The following MECOM variants were observed in gnomAD, a reference collection of about 807,000 sequenced individuals.
The protein encoded by MECOM is MDS1 and EVI1 complex locus, also known as histone-lysine N-methyltransferase MECOM.
Under a neutral mutation model 116.3 loss-of-function variants are expected in MECOM, and 13 were observed. The observed-to-expected ratio is 0.11, with a 90% CI of 0.07 to 0.18. MECOM has a LOEUF of 0.18. MECOM is among the 10% of genes least tolerant of loss of function. The probability of loss-of-function intolerance (pLI) is 1.00; values close to 1 mark genes in which losing one functional copy is unlikely to be tolerated. For missense variants in MECOM, 1,299 were observed against 1,509.0 expected, an observed-to-expected ratio of 0.86 and a Z score of 2.31; for synonymous variants, 528 against 535.2, an observed-to-expected ratio of 0.99 and a Z score of 0.19.
chr3:169,230,718 C>G (rs2149520424), intron 2 of MECOM, among the ~76,000 whole-genome samples: 1 of 152,186 alleles, frequency 6.6e-6, no homozygotes, highest in East Asian at 1.9e-4. Flanking sequence ...CTTTCATGGC[C>G]CATGGTCTGA....
chr3:169,330,604 C>T (rs1039239476), intron 2 of MECOM, among the ~76,000 whole-genome samples: 2 of 151,944 alleles, frequency 1.3e-5, no homozygotes, highest in East Asian at 1.9e-4. Flanking sequence ...TTCCAACATC[C>T]GATTCTGTGG....
intron 1 of MECOM, among the ~76,000 whole-genome samples, chr3:169,434,042 T>A: frequency 6.6e-6 from 1 of 152,224 alleles, no homozygotes; most frequent in Non-Finnish European, 1.5e-5. Flanking sequence ...CAAAACGTAA[T>A]TGATAATTAA....
chr3:169,400,646 G>A (rs771091527), intron 1 of MECOM, among the ~76,000 whole-genome samples: 3 of 152,172 alleles, frequency 2.0e-5, no homozygotes, highest in Non-Finnish European at 4.4e-5. Flanking sequence ...TTCTCAGACA[G>A]GTGGGTCTGG....
chr3:169,331,583 T>C (rs1475932599), intron 2 of MECOM, among the ~76,000 whole-genome samples: 1 of 152,176 alleles, frequency 6.6e-6, no homozygotes, highest in Non-Finnish European at 1.5e-5. Flanking sequence ...TATAGTTTCA[T>C]AAGTGTCATA....
intron 2 of MECOM, among the ~76,000 whole-genome samples, chr3:169,226,621 G>A (rs1334518919): frequency 6.6e-6 from 1 of 152,016 alleles, no homozygotes; most frequent in Non-Finnish European, 1.5e-5. Flanking sequence ...ACCATAACAC[G>A]GAATTAAAAC....
intron 2 of MECOM, among the ~76,000 whole-genome samples, chr3:169,197,032 A>G (rs1217315974): frequency 6.6e-6 from 1 of 152,092 alleles, no homozygotes; most frequent in Non-Finnish European, 1.5e-5. Flanking sequence ...ATAGAGCTAG[A>G]GGGCATTATC....
At chr3:169,624,599 C>T (rs770316352) in intron 1 of MECOM, among the ~76,000 whole-genome samples, 5 of 152,170 alleles carry the variant, frequency 3.3e-5, no homozygotes, top group Non-Finnish European at 1.5e-5. Context: ...AACAGCTGTT[C>T]GGGCTGCTCT....
chr3:169,343,220 G>C (rs1724839542), intron 2 of MECOM, among the ~76,000 whole-genome samples: 1 of 152,130 alleles, frequency 6.6e-6, no homozygotes, highest in African/African-American at 2.4e-5. Flanking sequence ...AGTTGATTTT[G>C]TGAGTCCTTT....
intron 1 of MECOM, among the ~76,000 whole-genome samples, chr3:169,608,375 A>T (rs529248352): frequency 6.3e-4 from 96 of 152,310 alleles, no homozygotes; most frequent in Non-Finnish European, 1.2e-3. Context: ...CAATTCGGGC[A>T]GCTGATCAGA....
intron 1 of MECOM, among the ~76,000 whole-genome samples, chr3:169,495,770 C>T (rs191382015): frequency 6.6e-5 from 10 of 152,310 alleles, no homozygotes; most frequent in East Asian, 1.9e-4. Context: ...CCATTAGTCA[C>T]ATTGTACTTA....
intron 2 of MECOM, among the ~76,000 whole-genome samples, chr3:169,303,804 A>G (rs1234861881): frequency 3.3e-5 from 5 of 152,038 alleles, no homozygotes; most frequent in African/African-American, 1.2e-4. Flanking sequence ...GACTTTGTTT[A>G]TTGGTTTGGT....
intron 2 of MECOM, among the ~76,000 whole-genome samples, chr3:169,363,708 T>G (rs938244541): frequency 1.6e-4 from 24 of 151,878 alleles, no homozygotes; most frequent in African/African-American, 5.8e-4. Flanking sequence ...CGAAAAACTG[T>G]ATAAAGACCA....
intron 1 of MECOM, among the ~76,000 whole-genome samples, chr3:169,594,088 T>G (rs1424732724): frequency 7.3e-6 from 1 of 137,836 alleles, no homozygotes; most frequent in Non-Finnish European, 1.5e-5. Flanking sequence ...ACCACTGCAC[T>G]CCAGCTGCAC....
intron 1 of MECOM, among the ~76,000 whole-genome samples, chr3:169,588,659 G>A (rs573609894): frequency 1.4e-3 from 220 of 152,070 alleles, no homozygotes; most frequent in Non-Finnish European, 2.3e-3. Flanking sequence ...TGATGTCTAC[G>A]TTCATCTATG....
At position 169,253,391 on chromosome 3, in the gene MECOM, CT is replaced by C. The variant is rs11434116; in HGVS notation, c.376-109560del. 3.2e-3 allele frequency among the ~76,000 whole-genome samples: 458 copies of C among 144,680 alleles called. 1 individual carries two copies. The highest frequency in any genetic ancestry group is 0.014 in the South Asian group (63 of 4,604). 94.9% of individuals were successfully genotyped at this position (144,680 alleles called of 152,430 possible). On this transcript the variant is annotated intron_variant, in intron 2 of 16. Transcript: ENST00000651503. ...TAAAACAAGCCACTGCTGTTTAGTT[CT>C]TTTTTTTTTTTTCTTGAGCTATTCG...
At chr3:169,457,011 G>A (rs1277851187) in intron 1 of MECOM, among the ~76,000 whole-genome samples, 2 of 152,118 alleles carry the variant, frequency 1.3e-5, no homozygotes, top group Admixed American at 6.5e-5. Context: ...CCAGGGAGCT[G>A]GGCTGGCTGC....
At chr3:169,378,462 C>A (rs376707704) in intron 2 of MECOM, among the ~76,000 whole-genome samples, 19,884 of 38,260 alleles carry the variant, frequency 0.52, 5,074 homozygotes, top group African/African-American at 0.56. Context: ...GGAAAGCAAG[C>A]AAGCAAGCAA....
intron 1 of MECOM, among the ~76,000 whole-genome samples, chr3:169,505,367 A>G (rs2108998281): frequency 6.6e-6 from 1 of 152,086 alleles, no homozygotes; most frequent in East Asian, 1.9e-4. Context: ...ATACCAAAAC[A>G]TCACATAATC....
intron 1 of MECOM, among the ~76,000 whole-genome samples, chr3:169,433,639 GAGAAAGAAAGAAAGAAAGAAAGAA>G (rs748166969): frequency 0.043 from 5,494 of 127,032 alleles, 357 homozygotes; most frequent in Admixed American, 0.19. Context: ...GAAAGAGAAA[GAGAAAGAAAGAAAGAAAGAAAGAA>G]AGAAAGAAAG....
Sources: gnomAD v4.1 joint callset for allele counts (sites outside exome capture counted in the v4.1 genomes callset) on GRCh38, gnomAD v4.1.1 for gene constraint, MANE v1.5 for transcripts, NCBI Gene and HGNC (gene_info 2026-07-23, HGNC 2026-07-21) for gene names.